Variants in ITGAM observed in about 807,000 individuals in gnomAD.
The protein encoded by ITGAM is integrin alpha-M.
ITGAM carries 79 observed loss-of-function variants against 137.5 expected under a neutral mutation model. That is an observed-to-expected ratio of 0.57 (90% CI 0.48 to 0.69). The LOEUF (loss-of-function observed/expected upper bound fraction) is 0.69. ITGAM is among the 30% of genes least tolerant of loss of function. The pLI is 0.00. For missense variants in ITGAM, 1,343 were observed against 1,483.5 expected (o/e 0.91, Z 1.56); for synonymous variants, 583 against 592.3 (o/e 0.98, Z 0.23).
At chr16:31,288,853 T>C (rs1327488205) in intron 12 of ITGAM, among the ~76,000 whole-genome samples, 1 of 152,154 alleles carries the variant, frequency 6.6e-6, no homozygotes, top group Admixed American at 6.6e-5. Flanking sequence ...TTTTGCAATC[T>C]ACTCATCTGA....
chr16:31,321,753 C>T, intron 16 of ITGAM, 126 bp downstream of exon 16: 1 of 949,594 alleles, frequency 1.1e-6, no homozygotes, highest in Non-Finnish European at 1.5e-6. Flanking sequence ...CAACCTTCTC[C>T]AAGCCTTACC....
chr16:31,326,021 A>G lies in ITGAM; in HGVS notation c.2628+399A>G, dbSNP rs1456820280. On this transcript the variant is annotated intron_variant, in intron 21 of 29. Transcript: ENST00000544665. ...GTTGAGGCTGCAGTGAGCTATGATC[A>G]CACCACTGCACTCTAGCCTAGGCGA... Among the ~76,000 whole-genome samples, 3 of 152,130 alleles carry G rather than the reference A, an allele frequency of 2.0e-5. No individual in the cohort carries two copies. In the East Asian group the frequency reaches 5.8e-4, roughly 29 times the overall value.
intron 12 of ITGAM, among the ~76,000 whole-genome samples, chr16:31,292,560 T>A (rs1451490029): frequency 6.6e-6 from 1 of 152,116 alleles, no homozygotes; most frequent in Non-Finnish European, 1.5e-5. Context: ...ATAACGGCCT[T>A]CAGCTCCATC....
At chr16:31,329,026 G>A in intron 23 of ITGAM, 1 of 634,690 alleles carries the variant, frequency 1.6e-6, no homozygotes, top group Non-Finnish European at 2.8e-6. Flanking sequence ...GCACGTGTGT[G>A]TGAGTGGCCC....
intron 8 of ITGAM, among the ~76,000 whole-genome samples, chr16:31,274,225 T>C (rs1024916248): frequency 2.6e-5 from 4 of 152,224 alleles, no homozygotes; most frequent in South Asian, 2.1e-4. Flanking sequence ...TCAGTCAATA[T>C]TGCAAACCAT....
At chr16:31,288,998 GA>G (rs930444907) in intron 12 of ITGAM, among the ~76,000 whole-genome samples, 1 of 152,148 alleles carries the variant, frequency 6.6e-6, no homozygotes, top group African/African-American at 2.4e-5. Context: ...ACAGACACAT[GA>G]AAAAATGCTC....
chr16:31,315,817 T>A (rs1168180524), intron 14 of ITGAM, among the ~76,000 whole-genome samples: 2 of 152,166 alleles, frequency 1.3e-5, no homozygotes, highest in Non-Finnish European at 2.9e-5. Flanking sequence ...TTCTTTTGCC[T>A]GTGGATATCC....
intron 29 of ITGAM, 174 bp from the exon 30 acceptor site, chr16:31,331,462 C>T (rs537736970): frequency 1.6e-6 from 1 of 632,666 alleles, no homozygotes; most frequent in African/African-American, 2.0e-5. Context: ...GAACGAGTCG[C>T]CCTCCTTGTA....
intron 14 of ITGAM, 56 bp from the exon 15 acceptor site, chr16:31,321,185 T>C: frequency 2.5e-6 from 4 of 1,599,548 alleles, no homozygotes; most frequent in South Asian, 1.1e-5. Flanking sequence ...GACTGAGTTA[T>C]ACATCTCCTG....
At chr16:31,277,544 G>T (rs2079921926) in intron 11 of ITGAM, among the ~76,000 whole-genome samples, 1 of 152,092 alleles carries the variant, frequency 6.6e-6, no homozygotes, top group Non-Finnish European at 1.5e-5. Context: ...TTTTAGTAGA[G>T]ATGGGATTTC....
rs558453534 is a variant in ITGAM, at chr16:31,299,868, T to C, written c.1707+1914T>C. ...CTCTCCTCCTCCTCCTCCTCCTCCT[T>C]CTTCTTTTTTGACAAAGTCTTGTTC... is the stretch of plus-strand genomic sequence containing the variant. On this transcript the variant is annotated intron_variant, in intron 14 of 29. Transcript: ENST00000544665. Among the ~76,000 whole-genome samples the C allele has an allele frequency of 3.1e-3, 403 of 129,378 alleles. 1 individual carries two copies. The highest frequency in any genetic ancestry group is 5.5e-3 in the Non-Finnish European group (334 of 61,220). The allele number at this position is 129,378 out of a possible 152,430, so 84.9% of individuals were successfully genotyped here. A position where few individuals can be genotyped will look rare whatever the true frequency, so the allele number is the denominator to read the frequency against.
chr16:31,290,030 G>A (rs578211046), intron 12 of ITGAM, among the ~76,000 whole-genome samples: 2 of 143,730 alleles, frequency 1.4e-5, no homozygotes, highest in African/African-American at 2.6e-5. Context: ...ATGGTGAGCC[G>A]AGATCATGCC....
chr16:31,275,564 C>T lies in ITGAM; in HGVS notation c.874C>T (p.Arg292Cys), dbSNP rs199881740. The T allele has an allele frequency of 6.8e-5, 109 of 1,613,916 alleles. No individual in the cohort carries two copies. In the East Asian group the frequency reaches 2.1e-3, roughly 31 times the overall value. Reference sequence around the variant, plus strand: ...TTGGTAACAGGTGGGAGATGCCTTCCGCAGTGAGAAATCCCGCCAAGAGCT... The same window carrying T: ...TTGGTAACAGGTGGGAGATGCCTTCTGCAGTGAGAAATCCCGCCAAGAGCT... ...RYVIGVGDAF[R>C]SEKSRQELNT... The change falls in exon 9 of 30, where the codon CGC (arginine) becomes TGC (cysteine). Residue 292 changes from arginine to cysteine, a missense_variant. Physicochemically the swap from Arg to Cys is radical, Grantham distance 180. Transcript: ENST00000544665.
chr16:31,331,860 C>CGT lies in ITGAM; in HGVS notation c.*159_*160dup, dbSNP rs1555472192. ...TTGTGTGTGTGCAAGTGTGTATGTG[C>CGT]GTGTGTGCAAGTGTCTGTGTGCAAG... is the stretch of plus-strand genomic sequence containing the variant. On this transcript the variant is annotated 3_prime_UTR_variant, in exon 30 of 30. Transcript: ENST00000544665. 755 of 609,616 alleles carry CGT rather than the reference C, an allele frequency of 1.2e-3. 2 individuals carry two copies. The highest frequency in any genetic ancestry group is 1.9e-3 in the Admixed American group (61 of 32,054). 37.8% of individuals were successfully genotyped at this position (609,616 alleles called of 1,614,324 possible).
At chr16:31,321,115 A>T in intron 14 of ITGAM, 126 bp from the exon 15 acceptor site, 2 of 986,826 alleles carry the variant, frequency 2.0e-6, no homozygotes, top group Non-Finnish European at 3.1e-6. Flanking sequence ...TTCCTTGGTT[A>T]GTTGCAAGAG....
At chr16:31,280,387 T>C (rs1183773656) in intron 12 of ITGAM, among the ~76,000 whole-genome samples, 5 of 152,238 alleles carry the variant, frequency 3.3e-5, no homozygotes, top group African/African-American at 1.2e-4. Flanking sequence ...TGTTCTTCAA[T>C]TTGTTTGTGT....
chr16:31,282,391 A>C (rs1329265769), intron 12 of ITGAM, among the ~76,000 whole-genome samples: 3 of 152,138 alleles, frequency 2.0e-5, no homozygotes, highest in African/African-American at 7.2e-5. Context: ...TGCTTTATGA[A>C]TCTGGGTGCT....
At chr16:31,288,657 A>C (rs1336047703) in intron 12 of ITGAM, among the ~76,000 whole-genome samples, 1 of 152,220 alleles carries the variant, frequency 6.6e-6, no homozygotes, top group Non-Finnish European at 1.5e-5. Context: ...TAAAAACCCT[A>C]GAAGGAAACC....
rs1477833816 is a variant in ITGAM at position 31,270,699 on chromosome 16, G to GTGTATATATA, written c.428-254_428-253insGTATATATAT. 5.6e-3 allele frequency among the ~76,000 whole-genome samples: 144 copies of GTGTATATATA among 25,922 alleles called. 1 individual carries two copies. The highest frequency in any genetic ancestry group is 7.9e-3 in the Non-Finnish European group (101 of 12,796). 17.0% of individuals were successfully genotyped at this position (25,922 alleles called of 152,430 possible). ...TGACTAATTTTTAACGTGTGTGTGT[G>GTGTATATATA]TATATATATATATATATATATATAT... is the stretch of plus-strand genomic sequence containing the variant. On this transcript the variant is annotated intron_variant, in intron 5 of 29. Transcript: ENST00000544665.
Sources: gnomAD v4.1 joint callset for allele counts (sites outside exome capture counted in the v4.1 genomes callset) on GRCh38, gnomAD v4.1.1 for gene constraint, MANE v1.5 for transcripts, NCBI Gene and HGNC (gene_info 2026-07-23, HGNC 2026-07-21) for gene names.